RNF144A: variants seen among roughly 807,000 people sequenced by gnomAD.
RNF144A encodes the protein ring finger protein 144A.
Under a neutral mutation model 38.7 loss-of-function variants are expected in RNF144A, and 11 were observed. That is an observed-to-expected ratio of 0.28 (90% CI 0.18 to 0.47). The LOEUF is 0.47. Ranked by LOEUF, RNF144A falls within the 20% of genes least tolerant of loss-of-function variation. The pLI is 0.99. For synonymous variants in RNF144A, 149 were observed against 143.9 expected, an observed-to-expected ratio of 1.04 and a Z score of -0.25; for missense variants, 316 against 377.2, an observed-to-expected ratio of 0.84 and a Z score of 1.34.
chr2:7,035,631 C>T (rs763692395), intron 8 of RNF144A, among the ~76,000 whole-genome samples: 8 of 152,122 alleles, frequency 5.3e-5, no homozygotes, highest in Non-Finnish European at 1.0e-4. Context: ...CAGAACATGC[C>T]CTGAATTCAG....
intron 8 of RNF144A, among the ~76,000 whole-genome samples, chr2:7,036,850 T>C (rs1672713054): frequency 6.6e-6 from 1 of 152,178 alleles, no homozygotes; most frequent in Admixed American, 6.5e-5. Flanking sequence ...TTCAGAACCT[T>C]GTCAGTTTCA....
At position 6,944,291 on chromosome 2, in the gene RNF144A, G is replaced by A. The variant is rs184734988; in HGVS notation, c.-12+3144G>A. On this transcript the variant is annotated intron_variant, in intron 2 of 8. Transcript: ENST00000320892. This position sits in a 1 kb window ranked among gnomAD's most constrained non-coding sequence, Gnocchi z 4.7. ...GGAACCCGGAATGTGGGGTGTCTGC[G>A]GGTGCTGCAAGTTCCAGTGTTCCTC... is the stretch of plus-strand genomic sequence containing the variant. 5.9e-5 allele frequency among the ~76,000 whole-genome samples: 9 copies of A among 152,240 alleles called. 1 individual carries two copies. In the South Asian group the frequency reaches 8.3e-4, roughly 14 times the overall value.
At chr2:7,038,947 T>C (rs567950487) in intron 8 of RNF144A, among the ~76,000 whole-genome samples, 1 of 149,530 alleles carries the variant, frequency 6.7e-6, no homozygotes, top group Admixed American at 6.6e-5. Context: ...GATGGATAGA[T>C]GCGTGGGTGA....
chr2:7,030,107 C>G lies in RNF144A; in HGVS notation c.658-19C>G, dbSNP rs1249267454. On this transcript the variant is annotated intron_variant, in intron 7 of 8. Coordinates refer to ENST00000320892, the MANE Select transcript of RNF144A (RefSeq NM_014746.6). ...CAGGAACCACTCGTTCATGCCGTCT[C>G]TGTCTCTGCCCCTCACAGGATGATT... 1.3e-6 allele frequency: 2 copies of G among 1,585,260 alleles called. No homozygotes were observed. Among genetic ancestry groups the G allele is most frequent in the South Asian group, 2.2e-5 (2 of 90,520 alleles).
chr2:6,969,004 G>A (rs964401287), intron 2 of RNF144A, among the ~76,000 whole-genome samples: 3 of 152,162 alleles, frequency 2.0e-5, no homozygotes, highest in Non-Finnish European at 4.4e-5. Context: ...CTGGTATACC[G>A]CCTCTTGGTC....
intron 8 of RNF144A, among the ~76,000 whole-genome samples, chr2:7,035,587 T>C (rs1414500633): frequency 6.6e-6 from 1 of 152,192 alleles, no homozygotes; most frequent in Non-Finnish European, 1.5e-5. Context: ...CTCTGTCACA[T>C]AGGGGCTTGC....
chr2:7,065,819 G>A (rs1674189600), intron 6 of RNF144A, among the ~76,000 whole-genome samples: 1 of 152,190 alleles, frequency 6.6e-6, no homozygotes, highest in Non-Finnish European at 1.5e-5. Context: ...AGATATTCAT[G>A]GAAAAGACTA....
downstream of RNF144A, among the ~76,000 whole-genome samples, chr2:7,047,088 T>C (rs1365567939): frequency 6.6e-6 from 1 of 152,240 alleles, no homozygotes; most frequent in African/African-American, 2.4e-5. Context: ...CATGTTCCTT[T>C]TATCCAGGGG....
intron 3 of RNF144A, among the ~76,000 whole-genome samples, chr2:7,000,100 T>G (rs1315523480): frequency 1.3e-5 from 2 of 152,180 alleles, no homozygotes; most frequent in African/African-American, 4.8e-5. Flanking sequence ...TTTCCTTGCT[T>G]GCAGGGTGCC....
chr2:6,970,498 A>G (rs1667942942), intron 2 of RNF144A, among the ~76,000 whole-genome samples: 1 of 152,240 alleles, frequency 6.6e-6, no homozygotes. Flanking sequence ...TATGAGCAGC[A>G]TGAAAACAGA....
In RNF144A at chr2:7,040,459, AT is replaced by A; in HGVS notation, c.*700del. 1 of 985,292 alleles carries A rather than the reference AT, an allele frequency of 1.0e-6. No homozygotes were observed. 61.0% of individuals were successfully genotyped at this position (985,292 alleles called of 1,614,324 possible). A position where few individuals can be genotyped will look rare whatever the true frequency, so the allele number is the denominator to read the frequency against. ...GTGTACTGTTATAAGTGTGCTTCCT[AT>A]ATTGTTGCATTTCCTTGATAATATT... On this transcript the variant is annotated 3_prime_UTR_variant, in exon 9 of 9. Coordinates refer to ENST00000320892, the MANE Select transcript of RNF144A (RefSeq NM_014746.6).
chr2:7,017,938 T>A (rs1671246909), intron 5 of RNF144A, among the ~76,000 whole-genome samples: 1 of 152,184 alleles, frequency 6.6e-6, no homozygotes, highest in Non-Finnish European at 1.5e-5. Flanking sequence ...CACAGCTATA[T>A]GAGGACAAAA....
chr2:6,977,232 C>A (rs1346123549), intron 2 of RNF144A, among the ~76,000 whole-genome samples: 2 of 152,188 alleles, frequency 1.3e-5, no homozygotes, highest in Non-Finnish European at 2.9e-5. Flanking sequence ...ATGAGTAAAG[C>A]AGGATGCAGA....
At chr2:6,919,138 A>G (rs1664367016) in intron 1 of RNF144A, among the ~76,000 whole-genome samples, 1 of 152,116 alleles carries the variant, frequency 6.6e-6, no homozygotes, top group African/African-American at 2.4e-5. Context: ...GTCCCTGCAA[A>G]GGGAGTCCCC....
chr2:6,991,578 G>GT (rs761885310), intron 2 of RNF144A, among the ~76,000 whole-genome samples: 4 of 152,142 alleles, frequency 2.6e-5, no homozygotes, highest in African/African-American at 4.8e-5. Context: ...CACACAGACT[G>GT]TGACTAAATA....
chr2:7,070,389 A>G (rs1400055592), downstream of RNF144A, among the ~76,000 whole-genome samples: 3 of 152,072 alleles, frequency 2.0e-5, no homozygotes, highest in Non-Finnish European at 4.4e-5. Flanking sequence ...CAGTCTGAGA[A>G]ATGGAGCTTT....
At chr2:7,030,342 G>A in intron 8 of RNF144A, 127 bp downstream of exon 8, 1 of 719,144 alleles carries the variant, frequency 1.4e-6, no homozygotes, top group Non-Finnish European at 2.4e-6. Context: ...TTGCCTAAAG[G>A]ACGAAGATCT....
downstream of RNF144A, among the ~76,000 whole-genome samples, chr2:7,070,412 C>A (rs1674423546): frequency 6.6e-6 from 1 of 152,128 alleles, no homozygotes; most frequent in South Asian, 2.1e-4. Flanking sequence ...GTATAAAGAA[C>A]AGCATGAGGT....
At chr2:7,002,182 T>C (rs1041088438) in intron 3 of RNF144A, among the ~76,000 whole-genome samples, 3 of 152,254 alleles carry the variant, frequency 2.0e-5, no homozygotes, top group Admixed American at 1.3e-4. Flanking sequence ...CACGTCTTTA[T>C]GTCCCTTTGC....
Sources: allele counts gnomAD v4.1 joint callset (sites outside exome capture counted in the v4.1 genomes callset), GRCh38; gene constraint gnomAD v4.1.1; non-coding constraint Gnocchi (gnomAD v3.1); transcripts MANE v1.5; gene names NCBI Gene and HGNC (gene_info 2026-07-23, HGNC 2026-07-21).